Variants in CACNA2D1 observed in about 807,000 individuals in gnomAD.
The protein encoded by CACNA2D1 is calcium voltage-gated channel auxiliary subunit alpha2delta 1, also known as voltage-dependent calcium channel subunit alpha-2/delta-1.
A neutral mutation model predicts 171.5 loss-of-function variants in CACNA2D1; 53 were observed. The ratio of observed to expected loss-of-function variants is 0.31; its 90% CI spans 0.25 to 0.39. The LOEUF (loss-of-function observed/expected upper bound fraction) is 0.39. Among genes scored for constraint, CACNA2D1 ranks in the 10% least tolerant of loss-of-function variants. The pLI, the probability that CACNA2D1 is intolerant of heterozygous loss-of-function variation, is 1.00. For synonymous variants in CACNA2D1, 442 were observed against 443.1 expected (o/e 1.00, Z 0.03); for missense variants, 903 against 1,299.8 (o/e 0.69, Z 4.69).
At chr7:82,156,650 T>TAA (rs71891999) in intron 4 of CACNA2D1, among the ~76,000 whole-genome samples, 76,617 of 126,640 alleles carry the variant, frequency 0.6, 19,484 homozygotes, top group East Asian at 0.72. Flanking sequence ...TTTCTTTTAA[T>TAA]AAGAGAGATC....
chr7:82,299,752 T>C (rs1186693279), intron 3 of CACNA2D1, among the ~76,000 whole-genome samples: 1 of 152,068 alleles, frequency 6.6e-6, no homozygotes. Flanking sequence ...AGTTTTATTA[T>C]ATGAGTAGCA....
At position 82,443,545 on chromosome 7, in the gene CACNA2D1, C is replaced by CA. The variant is rs1830677576; in HGVS notation, c.-87dup. 4.5e-6 allele frequency: 7 copies of CA among 1,540,472 alleles called. No homozygotes were observed. The highest frequency in any genetic ancestry group is 1.7e-6 in the Non-Finnish European group (2 of 1,143,736). ...AACCGCGGGCGGAGGAAGAGCAGCA[C>CA]ACGCCGCCGGGACCGCGGGCGTCTG... On this transcript the variant is annotated 5_prime_UTR_variant, in exon 1 of 39. Transcript: ENST00000356860.
chr7:81,981,228 G>A (rs562689146), intron 24 of CACNA2D1, among the ~76,000 whole-genome samples: 1 of 152,280 alleles, frequency 6.6e-6, no homozygotes, highest in African/African-American at 2.4e-5. Context: ...CTTCTTATAT[G>A]AGTGATCAGC....
rs1185512935 is a variant in CACNA2D1 at position 81,948,077 on chromosome 7, T to G, written c.*2315A>C. The G allele has an allele frequency of 6.6e-6, 1 of 151,832 alleles. No individual in the cohort carries two copies. Among genetic ancestry groups the G allele is most frequent in the Non-Finnish European group, 1.5e-5 (1 of 67,800 alleles). The allele number at this position is 151,832 out of a possible 1,614,324, so 9.4% of individuals were successfully genotyped here. The stretch of plus-strand genomic sequence containing the variant: ...CTCGACATTAGCCATGAAAATATAT[T>G]TAATAGATTTTGAACATAATTTTAA... On this transcript the variant is annotated 3_prime_UTR_variant, in exon 39 of 39. Transcript: ENST00000356860.
At chr7:82,291,169 G>A (rs114713388) in intron 3 of CACNA2D1, among the ~76,000 whole-genome samples, 3,765 of 106,066 alleles carry the variant, frequency 0.035, 142 homozygotes, top group East Asian at 0.12. Flanking sequence ...TATCGATATA[G>A]AATTATAATT....
At chr7:82,309,077 C>T (rs1295758396) in intron 3 of CACNA2D1, among the ~76,000 whole-genome samples, 1 of 152,048 alleles carries the variant, frequency 6.6e-6, no homozygotes, top group Non-Finnish European at 1.5e-5. Flanking sequence ...CTAAGTGAAC[C>T]AACATAATCT....
At position 81,973,725 on chromosome 7, in the gene CACNA2D1, T is replaced by C. The variant is rs1179890902; in HGVS notation, c.2053+730A>G. Among the ~76,000 whole-genome samples, 3 of 152,138 alleles carry C rather than the reference T, an allele frequency of 2.0e-5. No individual in the cohort carries two copies. The East Asian group carries it at 5.8e-4, about 29-fold the overall frequency. ...TGGTTTTCCTCTTATTTCCCATTTGTACGGTATTTGTTTTGGTAGTGCTTT... is the reference window on the plus strand; with the variant it reads ...TGGTTTTCCTCTTATTTCCCATTTGCACGGTATTTGTTTTGGTAGTGCTTT... On this transcript the variant is annotated intron_variant, in intron 25 of 38. Transcript: ENST00000356860.
At chr7:82,436,287 T>C (rs1440893293) in intron 1 of CACNA2D1, among the ~76,000 whole-genome samples, 4 of 152,206 alleles carry the variant, frequency 2.6e-5, no homozygotes. Context: ...TTAAGTATAC[T>C]ACCTAGAAGG....
intron 6 of CACNA2D1, 36 bp downstream of exon 6, chr7:82,117,008 T>C (rs776063992): frequency 3.7e-6 from 6 of 1,610,242 alleles, no homozygotes; most frequent in Non-Finnish European, 5.1e-6. Flanking sequence ...GGCGAGAGCA[T>C]GGTATTCCAA....
chr7:82,346,860 TA>T (rs1257842484), intron 2 of CACNA2D1, among the ~76,000 whole-genome samples: 2 of 152,166 alleles, frequency 1.3e-5, no homozygotes, highest in African/African-American at 4.8e-5. Context: ...CAAATAAGGA[TA>T]AAAAATGCTA....
In CACNA2D1 at chr7:81,964,138, G is replaced by A. The variant is rs3735517; in HGVS notation, c.2728-30C>T. The A allele has an allele frequency of 0.22, 355,387 of 1,610,700 alleles. 40,545 individuals are homozygous for A. The highest frequency in any genetic ancestry group is 0.36 in the African/African-American group (26,554 of 74,768). ...AAAATAAAATAATAAGGTCATTTCA[G>A]TAGTCTACTTGATACTGAGGACACT... On this transcript the variant is annotated intron_variant, in intron 33 of 38. Transcript: ENST00000356860.
intron 25 of CACNA2D1, 47 bp from the exon 26 acceptor site, chr7:81,971,911 T>C: frequency 8.6e-7 from 1 of 1,158,548 alleles, no homozygotes; most frequent in Non-Finnish European, 1.3e-6. Context: ...TCTAAAATTA[T>C]GATCATAATG....
At chr7:82,412,725 C>T (rs761296265) in intron 1 of CACNA2D1, among the ~76,000 whole-genome samples, 25 of 151,554 alleles carry the variant, frequency 1.6e-4, no homozygotes, top group Non-Finnish European at 3.1e-4. Context: ...GAAAATATCA[C>T]GATCTGATCA....
chr7:82,345,964 G>A (rs1353827373), intron 2 of CACNA2D1, among the ~76,000 whole-genome samples: 1 of 152,048 alleles, frequency 6.6e-6, no homozygotes, highest in Non-Finnish European at 1.5e-5. Flanking sequence ...GAATTTTAGT[G>A]GGGCACATGG....
chr7:81,969,055 G>C, intron 28 of CACNA2D1, 82 bp from the exon 29 acceptor site: 1 of 838,158 alleles, frequency 1.2e-6, no homozygotes, highest in Non-Finnish European at 1.9e-6. Context: ...GATACAAATG[G>C]ATAGTATTTT....
intron 4 of CACNA2D1, among the ~76,000 whole-genome samples, chr7:82,156,710 C>A (rs1031490087): frequency 4.6e-5 from 7 of 151,552 alleles, no homozygotes; most frequent in Non-Finnish European, 8.8e-5. Flanking sequence ...TTTTTTAAAT[C>A]TTTTTCTTTG....
intron 3 of CACNA2D1, among the ~76,000 whole-genome samples, chr7:82,238,022 A>G (rs948400944): frequency 2.6e-5 from 4 of 152,004 alleles, no homozygotes; most frequent in Admixed American, 6.6e-5. Flanking sequence ...TTACAATCCA[A>G]TTTCATCCCC....
At chr7:82,058,695 T>C (rs1004143478) in intron 10 of CACNA2D1, among the ~76,000 whole-genome samples, 13 of 152,136 alleles carry the variant, frequency 8.5e-5, no homozygotes, top group Admixed American at 2.6e-4. Flanking sequence ...GCTAAAGGAC[T>C]TCTGAAGGTT....
chr7:82,250,540 A>T (rs1205397738), intron 3 of CACNA2D1, among the ~76,000 whole-genome samples: 1 of 152,178 alleles, frequency 6.6e-6, no homozygotes, highest in East Asian at 1.9e-4. Context: ...GGCTTTAATT[A>T]TCTTTTCTCT....
Sources: allele counts gnomAD v4.1 joint callset (sites outside exome capture counted in the v4.1 genomes callset), GRCh38; gene constraint gnomAD v4.1.1; transcripts MANE v1.5; gene names NCBI Gene and HGNC (gene_info 2026-07-23, HGNC 2026-07-21).